Variants in EBF1 observed in about 807,000 individuals in gnomAD.
The protein encoded by EBF1 is EBF transcription factor 1.
A neutral mutation model predicts 68.4 loss-of-function variants in EBF1; 10 were observed. The ratio of observed to expected loss-of-function variants is 0.15; its 90% CI spans 0.09 to 0.25. The LOEUF is 0.25. EBF1 is among the 10% of genes least tolerant of loss of function. The pLI is 1.00. For missense variants in EBF1, 509 were observed against 794.4 expected (o/e 0.64, Z 4.32); for synonymous variants, 298 against 299.8 (o/e 0.99, Z 0.06).
At chr5:158,787,795 GTA>G (rs1376462254) in intron 9 of EBF1, among the ~76,000 whole-genome samples, 1 of 152,158 alleles carries the variant, frequency 6.6e-6, no homozygotes, top group South Asian at 2.1e-4. Flanking sequence ...GGCATCACTT[GTA>G]TCAATCAGTC....
intron 6 of EBF1, among the ~76,000 whole-genome samples, chr5:159,017,007 G>C (rs1167509375): frequency 6.6e-6 from 1 of 152,144 alleles, no homozygotes; most frequent in Non-Finnish European, 1.5e-5. Context: ...TGTTCTGATT[G>C]CCACATTTTA....
chr5:158,938,955 T>C (rs1812672132), intron 6 of EBF1, among the ~76,000 whole-genome samples: 1 of 152,216 alleles, frequency 6.6e-6, no homozygotes, highest in Non-Finnish European at 1.5e-5. Context: ...TATGACATCC[T>C]GGATTTAAGT....
chr5:158,805,848 CTTCTT>C lies in EBF1; in HGVS notation c.779-9378_779-9374del, dbSNP rs529175162. On this transcript the variant is annotated intron_variant, in intron 8 of 15. Transcript: ENST00000313708. ...AGCAGAAGATAGTCACATGTGTTTT[CTTCTT>C]TTTTTTTCTATTACAAGAGGATCGG... Among the ~76,000 whole-genome samples, 579 of 151,854 alleles carry C rather than the reference CTTCTT, an allele frequency of 3.8e-3. 4 individuals are homozygous for C. The highest frequency in any genetic ancestry group is 5.8e-3 in the Non-Finnish European group (393 of 67,922).
At chr5:158,889,978 C>A (rs1411533821) in intron 6 of EBF1, among the ~76,000 whole-genome samples, 1 of 152,010 alleles carries the variant, frequency 6.6e-6, no homozygotes, top group Non-Finnish European at 1.5e-5. Flanking sequence ...GAGAATATGC[C>A]TAGGTTATAT....
intron 6 of EBF1, among the ~76,000 whole-genome samples, chr5:158,856,229 G>A (rs1281882846): frequency 2.6e-5 from 4 of 152,178 alleles, no homozygotes; most frequent in Non-Finnish European, 5.9e-5. Flanking sequence ...AAGAGGTGTC[G>A]TGAGAGAGCA....
chr5:158,895,252 GAATA>G (rs1231620621), intron 6 of EBF1, among the ~76,000 whole-genome samples: 1 of 151,972 alleles, frequency 6.6e-6, no homozygotes, highest in Admixed American at 6.6e-5. Flanking sequence ...CTTTGAAAAA[GAATA>G]AAAACGCAGT....
intron 6 of EBF1, among the ~76,000 whole-genome samples, chr5:159,049,361 C>T (rs994675577): frequency 3.9e-5 from 6 of 152,104 alleles, no homozygotes; most frequent in African/African-American, 1.2e-4. Flanking sequence ...TTAAGCATCA[C>T]TTGAGGGAGC....
intron 11 of EBF1, among the ~76,000 whole-genome samples, chr5:158,716,903 C>T (rs1760850582): frequency 6.6e-6 from 1 of 152,144 alleles, no homozygotes; most frequent in Non-Finnish European, 1.5e-5. Flanking sequence ...TAAATTTACT[C>T]AATAATGGGT....
At chr5:158,780,387 A>G (rs1310368335) in intron 9 of EBF1, among the ~76,000 whole-genome samples, 1 of 152,142 alleles carries the variant, frequency 6.6e-6, no homozygotes, top group Non-Finnish European at 1.5e-5. Context: ...AAGCAACAGA[A>G]GGAGGGAGGG....
chr5:158,964,404 C>T (rs1004641842), intron 6 of EBF1, among the ~76,000 whole-genome samples: 2 of 151,946 alleles, frequency 1.3e-5, no homozygotes, highest in Non-Finnish European at 2.9e-5. Context: ...AGACAGCAAA[C>T]CGAGTAGGGT....
At position 159,074,800 on chromosome 5, in the gene EBF1, T is replaced by TA. The variant is rs375982177; in HGVS notation, c.486-1337dup. On this transcript the variant is annotated intron_variant, in intron 5 of 15. Coordinates refer to ENST00000313708, the MANE Select transcript of EBF1 (RefSeq NM_024007.5). ...AAGCCTCGGCTAAAACCACTCTGTC[T>TA]ACCTTATAGCCTTTCACCTTCTGAT... Among the ~76,000 whole-genome samples, 273 of 152,322 alleles carry TA rather than the reference T, an allele frequency of 1.8e-3. 1 individual carries two copies. The highest frequency in any genetic ancestry group is 6.2e-3 in the African/African-American group (259 of 41,564).
intron 14 of EBF1, among the ~76,000 whole-genome samples, chr5:158,709,754 A>G (rs146696628): frequency 6.6e-6 from 1 of 152,332 alleles, no homozygotes; most frequent in African/African-American, 2.4e-5. Context: ...ATTTTTATAC[A>G]TCTCTTAGGA....
intron 1 of EBF1, among the ~76,000 whole-genome samples, chr5:159,097,931 G>T (rs1782942979): frequency 6.6e-6 from 1 of 151,438 alleles, no homozygotes; most frequent in African/African-American, 2.4e-5. Context: ...GCGCGCACAG[G>T]CACACACACA....
At chr5:158,727,150 A>G (rs181204747) in intron 11 of EBF1, among the ~76,000 whole-genome samples, 158 of 152,328 alleles carry the variant, frequency 1.0e-3, no homozygotes, top group Admixed American at 2.7e-3. Context: ...CTTGGCCTCT[A>G]TGATCTTCGA....
intron 10 of EBF1, among the ~76,000 whole-genome samples, chr5:158,757,932 G>A (rs1770502738): frequency 6.6e-6 from 1 of 152,092 alleles, no homozygotes; most frequent in Non-Finnish European, 1.5e-5. Flanking sequence ...CATAGTACGA[G>A]GCACTGGAAA....
chr5:158,886,055 G>A (rs1799973600), intron 6 of EBF1, among the ~76,000 whole-genome samples: 1 of 152,182 alleles, frequency 6.6e-6, no homozygotes, highest in Admixed American at 6.5e-5. Flanking sequence ...GTGTGAATGG[G>A]AAGGTGTGCC....
intron 6 of EBF1, among the ~76,000 whole-genome samples, chr5:158,884,358 G>T (rs796978411): frequency 1.3e-5 from 2 of 152,176 alleles, no homozygotes; most frequent in Non-Finnish European, 2.9e-5. Context: ...TGAGAAATAT[G>T]AATCTAGGGA....
Position 158,699,126 on chromosome 5 carries a change from A to G in EBF1, c.1761T>C (p.Ile587=). 6.2e-7 allele frequency: 1 copy of G among 1,609,632 alleles called. No homozygotes were observed. Among genetic ancestry groups the G allele is most frequent in the South Asian group, 1.1e-5 (1 of 89,670 alleles). Reference sequence around the variant, plus strand: ...GGCAATTCTTTCACATAGGAGGAACAATCATGCCAGATATCGCTATGAAAG... The same window carrying G: ...GGCAATTCTTTCACATAGGAGGAACGATCATGCCAGATATCGCTATGAAAG... ...GNSLQAISGM[I]VPPM The change falls in exon 16 of 16, where the codon ATT becomes ATC. Residue 587 remains isoleucine, a synonymous_variant. Transcript: ENST00000313708.
chr5:158,909,956 T>TTAAAAA lies in EBF1; in HGVS notation c.555-69847_555-69846insTTTTTA, dbSNP rs772406186. On this transcript the variant is annotated intron_variant, in intron 6 of 15. Transcript: ENST00000313708. ...TGGTGACAGAACGAGACTCTGTCTA[T>TTAAAAA]AAAAAAAAAAAAAAAAAAAAAAAAA... Among the ~76,000 whole-genome samples the TTAAAAA allele has an allele frequency of 5.3e-3, 248 of 46,722 alleles. 8 individuals are homozygous for TTAAAAA. Among genetic ancestry groups the TTAAAAA allele is most frequent in the African/African-American group, 0.017 (230 of 13,608 alleles). 30.7% of individuals were successfully genotyped at this position (46,722 alleles called of 152,430 possible). A position where few individuals can be genotyped will look rare whatever the true frequency, so the allele number is the denominator to read the frequency against.
Sources: gnomAD v4.1 joint callset for allele counts (sites outside exome capture counted in the v4.1 genomes callset) on GRCh38, gnomAD v4.1.1 for gene constraint, MANE v1.5 for transcripts, NCBI Gene and HGNC (gene_info 2026-07-23, HGNC 2026-07-21) for gene names.